ZNF483: variants seen among roughly 807,000 people sequenced by gnomAD.
ZNF483 encodes zinc finger protein HIT-10.
Under a neutral mutation model 28.6 loss-of-function variants are expected in ZNF483, and 9 were observed. The observed-to-expected ratio is 0.32, with a 90% CI of 0.19 to 0.55. The LOEUF (loss-of-function observed/expected upper bound fraction) is 0.55. Ranked by LOEUF, ZNF483 falls within the 20% of genes least tolerant of loss-of-function variation. The pLI is 0.93. For synonymous variants in ZNF483, 322 were observed against 306.2 expected (o/e 1.05, Z -0.54); for missense variants, 675 against 871.7 (o/e 0.77, Z 2.84).
intron 5 of ZNF483, among the ~76,000 whole-genome samples, chr9:111,538,851 C>T (rs1827590575): frequency 6.6e-6 from 1 of 152,004 alleles, no homozygotes; most frequent in African/African-American, 2.4e-5. Context: ...TGGTGGCTCA[C>T]CTGTAATCCC....
At chr9:111,534,128 T>G (rs1827418450) in intron 4 of ZNF483, 133 bp from the exon 5 acceptor site, 1 of 838,382 alleles carries the variant, frequency 1.2e-6, no homozygotes, top group African/African-American at 1.7e-5. Flanking sequence ...TTGTCTCAAG[T>G]TCCAGTATTT....
At position 111,550,928 on chromosome 9, in the gene ZNF483, G is replaced by A. The variant is rs1036206713; in HGVS notation, c.*7758G>A. ...TTTGAGTTGTTTTCACCTGTTTTCT[G>A]TCTCTCACACTGGAGGCTTTCCTGA... On this transcript the variant is annotated 3_prime_UTR_variant, in exon 6 of 6. Transcript: ENST00000309235. Among the ~76,000 whole-genome samples, 3 of 152,000 alleles carry A rather than the reference G, an allele frequency of 2.0e-5. No individual in the cohort carries two copies. Among genetic ancestry groups the A allele is most frequent in the Admixed American group, 6.5e-5 (1 of 15,272 alleles).
At chr9:111,556,016 T>C (rs995212001), downstream of ZNF483, among the ~76,000 whole-genome samples, 26 of 152,356 alleles carry the variant, frequency 1.7e-4, no homozygotes, top group African/African-American at 6.0e-4. Context: ...CCTATGAGCC[T>C]GTAAAATCAC....
chr9:111,565,535 G>T (rs1320449855), intron 5 of ZNF483, among the ~76,000 whole-genome samples: 3 of 151,892 alleles, frequency 2.0e-5, no homozygotes, highest in African/African-American at 7.3e-5. Context: ...TTTTATTTTT[G>T]TTTTTGAGAC....
rs1827835972 is a variant in ZNF483, at chr9:111,547,600, C to T, written c.*4430C>T. 6.6e-6 allele frequency among the ~76,000 whole-genome samples: 1 copy of T among 152,008 alleles called. No homozygotes were observed. Among genetic ancestry groups the T allele is most frequent in the South Asian group, 2.1e-4 (1 of 4,824 alleles). On this transcript the variant is annotated 3_prime_UTR_variant, in exon 6 of 6. Transcript: ENST00000309235. ...CTTTCTTCCATTCTGTGTGGGTTGC[C>T]TTTTCATTCTATTCCTAATGCCCTT...
chr9:111,563,095 C>T (rs971413456), intron 5 of ZNF483: 9 of 1,608,728 alleles, frequency 5.6e-6, no homozygotes, highest in Non-Finnish European at 5.1e-6. Flanking sequence ...ATCTAAATGG[C>T]CTCCAGATTC....
Position 111,543,513 on chromosome 9 carries a change from C to G in ZNF483, c.*343C>G. On this transcript the variant is annotated 3_prime_UTR_variant, in exon 6 of 6. Coordinates refer to ENST00000309235, the MANE Select transcript of ZNF483 (RefSeq NM_133464.5). ...TGCAGTCACATAACTTGGATTCTGT[C>G]CCAGTTTGCCAACCAACTTGCTGTA... 1 of 1,023,068 alleles carries G rather than the reference C, an allele frequency of 9.8e-7. No homozygotes were observed. Among genetic ancestry groups the G allele is most frequent in the Non-Finnish European group, 1.2e-6 (1 of 854,824 alleles). The allele number at this position is 1,023,068 out of a possible 1,614,324, so 63.4% of individuals were successfully genotyped here. A position where few individuals can be genotyped will look rare whatever the true frequency, so the allele number is the denominator to read the frequency against.
chr9:111,537,693 C>G (rs908667708), intron 5 of ZNF483, among the ~76,000 whole-genome samples: 5 of 151,544 alleles, frequency 3.3e-5, no homozygotes, highest in Admixed American at 6.6e-5. Flanking sequence ...GTGGCATGAT[C>G]ACGGCTCACT....
chr9:111,536,942 T>C (rs4978443), intron 5 of ZNF483, among the ~76,000 whole-genome samples: 115,461 of 152,102 alleles, frequency 0.76, 44,521 homozygotes, highest in African/African-American at 0.88. Context: ...TTTATGTTGT[T>C]TGTCTGAAAT....
In ZNF483 at chr9:111,569,594, T is replaced by C. The variant is rs1002560007; in HGVS notation, c.722-6771T>C. Among the ~76,000 whole-genome samples, 3 of 152,124 alleles carry C rather than the reference T, an allele frequency of 2.0e-5. No homozygotes were observed. The East Asian group carries it at 5.8e-4, about 29-fold the overall frequency. ...GCCTGGCCAACATGACGAAAACCTG[T>C]CTCTACTAAAAATACAAAAAGTTAG... On this transcript the variant is annotated intron_variant, in intron 5 of 5. Transcript: ENST00000358151.
intron 5 of ZNF483, among the ~76,000 whole-genome samples, chr9:111,536,137 C>T (rs1422552587): frequency 6.7e-6 from 1 of 149,052 alleles, no homozygotes; most frequent in Non-Finnish European, 1.5e-5. Flanking sequence ...GTGATCCACC[C>T]GCCTTGGCCT....
chr9:111,562,426 C>A (rs1564608697), intron 5 of ZNF483, among the ~76,000 whole-genome samples: 1 of 151,962 alleles, frequency 6.6e-6, no homozygotes. Flanking sequence ...CAGGCATGTG[C>A]CACCACACTC....
Position 111,545,662 on chromosome 9 carries a change from T to G in ZNF483, c.*2492T>G. On this transcript the variant is annotated 3_prime_UTR_variant, in exon 6 of 6. Transcript: ENST00000309235. ...TTTTCTGTACATTTTATGTTATATGTGATCTTTCTGTGTTTTTTTCATTAA... is the reference window on the plus strand; with the variant it reads ...TTTTCTGTACATTTTATGTTATATGGGATCTTTCTGTGTTTTTTTCATTAA... Among the ~76,000 whole-genome samples, 1 of 152,202 alleles carries G rather than the reference T, an allele frequency of 6.6e-6. No homozygotes were observed.
At position 111,551,688 on chromosome 9, in the gene ZNF483, C is replaced by T. The variant is rs1035172881; in HGVS notation, c.*8518C>T. Among the ~76,000 whole-genome samples, 12 of 152,006 alleles carry T rather than the reference C, an allele frequency of 7.9e-5. No homozygotes were observed. Among genetic ancestry groups the T allele is most frequent in the Non-Finnish European group, 1.8e-4 (12 of 68,008 alleles). Reference sequence around the variant, plus strand: ...AAGTGCCGGGATTACAGGTGTGAACCGCCACACACAACCCCAATTTTTGTT... The same window carrying T: ...AAGTGCCGGGATTACAGGTGTGAACTGCCACACACAACCCCAATTTTTGTT... On this transcript the variant is annotated 3_prime_UTR_variant, in exon 6 of 6. Transcript: ENST00000309235.
At chr9:111,541,549 A>T in intron 5 of ZNF483, 108 bp from the exon 6 acceptor site, 1 of 833,902 alleles carries the variant, frequency 1.2e-6, no homozygotes, top group Admixed American at 3.4e-5. Flanking sequence ...TTTGAGAACC[A>T]TCGAAACTAT....
rs1335438435 is a variant in ZNF483, at chr9:111,549,776, ATCT to A, written c.*6612_*6614del. On this transcript the variant is annotated 3_prime_UTR_variant, in exon 6 of 6. Transcript: ENST00000309235. ...TTCATTTTTCTGCTTTGAAGCTTCAATCTTCTTCATTTTCTCTTTTGATCTGTC... is the reference window on the plus strand; with the variant it reads ...TTCATTTTTCTGCTTTGAAGCTTCAATCTTCATTTTCTCTTTTGATCTGTC... 16 of 1,548,040 alleles carry A rather than the reference ATCT, an allele frequency of 1.0e-5. No homozygotes were observed. The highest frequency in any genetic ancestry group is 9.6e-6 in the Non-Finnish European group (11 of 1,144,278).
At position 111,541,784 on chromosome 9, in the gene ZNF483, AAG is replaced by A; in HGVS notation, c.852_853del (p.Arg284SerfsTer12). 6.2e-7 allele frequency: 1 copy of A among 1,614,214 alleles called. No individual in the cohort carries two copies. Among genetic ancestry groups the A allele is most frequent in the Non-Finnish European group, 8.5e-7 (1 of 1,180,038 alleles). On this transcript the variant is annotated frameshift_variant, in exon 6 of 6. Coordinates refer to ENST00000309235, the MANE Select transcript of ZNF483 (RefSeq NM_133464.5). LOFTEE classifies it low-confidence loss of function (END_TRUNC). ...DHGNQGNSKG[R>X]VAQNKTLGSG... ...ACGGTAATCAGGGAAATTCAAAAGG[AAG>A]AGTCGCACAAAACAAAACTCTTGGG... is the stretch of plus-strand genomic sequence containing the variant.
chr9:111,572,309 A>G (rs1828852509), intron 5 of ZNF483, among the ~76,000 whole-genome samples: 1 of 152,206 alleles, frequency 6.6e-6, no homozygotes, highest in South Asian at 2.1e-4. Context: ...CTTAAATGAA[A>G]GTGGGATGGG....
rs1473872384 is a variant in ZNF483 at position 111,527,700 on chromosome 9, C to T, written c.305C>T (p.Thr102Ile). The T allele has an allele frequency of 6.2e-7, 1 of 1,614,076 alleles. No individual in the cohort carries two copies. The change falls in exon 2 of 6, where the codon ACC becomes ATC. Residue 102 changes from threonine to isoleucine, a missense_variant. By Grantham distance (89) the Thr-to-Ile change is moderately conservative. This residue lies in a region of ZNF483 where 525 missense variants were observed against 581.8 expected (regional missense o/e 0.90). Coordinates refer to ENST00000309235, the MANE Select transcript of ZNF483 (RefSeq NM_133464.5). ...LELLVFEQFL[T>I]ILPGEIRIWV... ...CTTCTGGTGTTTGAGCAGTTCCTGA[C>T]CATTTTGCCTGGGGAGATCAGGATT...
Sources: gnomAD v4.1 joint callset for allele counts (sites outside exome capture counted in the v4.1 genomes callset) on GRCh38, gnomAD v4.1.1 for gene constraint, gnomAD v4.1.1 regional missense constraint, MANE v1.5 for transcripts, NCBI Gene and HGNC (gene_info 2026-07-23, HGNC 2026-07-21) for gene names.